The following PIGR variants were observed in gnomAD, a reference collection of about 807,000 sequenced individuals.
PIGR encodes polymeric immunoglobulin receptor.
A neutral mutation model predicts 69.5 loss-of-function variants in PIGR; 22 were observed. The observed-to-expected ratio is 0.32, with a 90% confidence interval of 0.23 to 0.45. The LOEUF (loss-of-function observed/expected upper bound fraction) is 0.45, where lower values mean the gene tolerates loss of function less well. Ranked by LOEUF, PIGR falls within the 20% of genes least tolerant of loss-of-function variation. The probability of loss-of-function intolerance (pLI) is 1.00; values close to 1 mark genes in which losing one functional copy is unlikely to be tolerated. For missense variants in PIGR, 885 were observed against 974.0 expected, an observed-to-expected ratio of 0.91 and a Z score of 1.22; for synonymous variants, 413 against 407.6, an observed-to-expected ratio of 1.01 and a Z score of -0.16.
chr1:206,933,066 G>A lies in PIGR; in HGVS notation c.1806C>T (p.Pro602=), dbSNP rs145584412. The change falls in exon 7 of 11, where the codon CCC becomes CCT. Residue 602 remains proline (P), a synonymous_variant. Transcript: ENST00000356495. ...REIENKAIQD[P]RLFAEEKAVA... Reference sequence around the variant, plus strand: ...CCGCCTTTTCCTCTGCAAAAAGCCTGGGATCCTGAATGGCTTTGTTCTCAA... The same window carrying A: ...CCGCCTTTTCCTCTGCAAAAAGCCTAGGATCCTGAATGGCTTTGTTCTCAA... 2 of 1,614,176 alleles carry A rather than the reference G, an allele frequency of 1.2e-6. No homozygotes were observed. The highest frequency in any genetic ancestry group is 2.2e-5 in the South Asian group (2 of 91,086).
rs1172961371 is a variant in PIGR, at chr1:206,935,826, CACAG to C, written c.1046-12_1046-9del. 8 of 1,581,070 alleles carry C rather than the reference CACAG, an allele frequency of 5.1e-6. No homozygotes were observed. The highest frequency in any genetic ancestry group is 4.5e-5 in the East Asian group (2 of 44,358). On this transcript the variant is annotated splice_polypyrimidine_tract_variant and intron_variant, in intron 4 of 10. Coordinates refer to ENST00000356495, the MANE Select transcript of PIGR (RefSeq NM_002644.4). The surrounding 1 kb of genome is among the most constrained non-coding windows in gnomAD (Gnocchi z 4.4). Reference sequence around the variant, plus strand: ...TGCGGGGAATCGTGGACTCTGGAAGCACAGACAGAGATGGGATGGGAGGATGGCC... The same window carrying C: ...TGCGGGGAATCGTGGACTCTGGAAGCACAGAGATGGGATGGGAGGATGGCC...
At chr1:206,934,232 A>T (rs1478205458) in intron 6 of PIGR, among the ~76,000 whole-genome samples, 188 bp downstream of exon 6, 1 of 152,142 alleles carries the variant, frequency 6.6e-6, no homozygotes, top group Middle Eastern at 3.2e-3. Flanking sequence ...TTTATTTGAG[A>T]TGTCCCTTTT....
chr1:206,945,548 G>C (rs2102606035), intron 1 of PIGR, among the ~76,000 whole-genome samples: 1 of 152,332 alleles, frequency 6.6e-6, no homozygotes, highest in Admixed American at 6.5e-5. Flanking sequence ...GTGATCCCGT[G>C]AGGACCTCTT....
chr1:206,937,490 T>G lies in PIGR; in HGVS notation c.650A>C (p.Gln217Pro). The change falls in exon 4 of 11, where the codon CAG (glutamine) becomes CCG (proline). Residue 217 changes from glutamine to proline, a missense_variant. Physicochemically the swap from Gln to Pro is moderately conservative, Grantham distance 76. Coordinates refer to ENST00000356495, the MANE Select transcript of PIGR (RefSeq NM_002644.4). ...ATCATCCCCAGCCTGGCAGAGATAC[T>G]GCCCAGCATCGCTGAGCCTGAGTTG... Reference protein sequence around the residue: ...INQLRLSDAGQYLCQAGDDSN... With the variant: ...INQLRLSDAGPYLCQAGDDSN... 1.2e-6 allele frequency: 2 copies of G among 1,614,230 alleles called. No individual in the cohort carries two copies. The highest frequency in any genetic ancestry group is 1.7e-6 in the Non-Finnish European group (2 of 1,180,042).
intron 3 of PIGR, among the ~76,000 whole-genome samples, chr1:206,938,413 T>C (rs1558014580): frequency 6.6e-6 from 1 of 152,210 alleles, no homozygotes; most frequent in African/African-American, 2.4e-5. Flanking sequence ...CCACAGACAA[T>C]AGTATGCATA....
intron 1 of PIGR, among the ~76,000 whole-genome samples, chr1:206,941,715 A>G (rs1679990264): frequency 6.6e-6 from 1 of 152,228 alleles, no homozygotes; most frequent in African/African-American, 2.4e-5. Flanking sequence ...TCCACCGTGG[A>G]CACAGCCCAG....
rs753289830 is a variant in PIGR, at chr1:206,930,830, C to T, written c.2200-417G>A. The T allele has an allele frequency of 3.5e-5, 34 of 985,218 alleles. No homozygotes were observed. The highest frequency in any genetic ancestry group is 4.1e-5 in the Non-Finnish European group (34 of 829,914). The allele number at this position is 985,218 out of a possible 1,614,324, so 61.0% of individuals were successfully genotyped here. A position where few individuals can be genotyped will look rare whatever the true frequency, so the allele number is the denominator to read the frequency against. On this transcript the variant is annotated intron_variant, in intron 10 of 10. Coordinates refer to ENST00000356495, the MANE Select transcript of PIGR (RefSeq NM_002644.4). This position sits in a 1 kb window ranked among gnomAD's most constrained non-coding sequence, Gnocchi z 4.3. The stretch of plus-strand genomic sequence containing the variant: ...GGGGAAGGCTGTCCCAGGAATAACT[C>T]GTTCTAACTTTGCTAAATGCCAGAG...
intron 3 of PIGR, 119 bp from the exon 4 acceptor site, chr1:206,937,870 TC>T: frequency 1.1e-6 from 1 of 876,550 alleles, no homozygotes. Flanking sequence ...TGGAATGCCC[TC>T]CTTCCCAGAG....
At chr1:206,934,136 A>T (rs564237852) in intron 6 of PIGR, among the ~76,000 whole-genome samples, 69 of 152,246 alleles carry the variant, frequency 4.5e-4, no homozygotes, top group Non-Finnish European at 9.4e-4. Flanking sequence ...TGCTGGGATT[A>T]CAGGTGTGAG....
At chr1:206,938,854 T>A (rs1679922247) in intron 3 of PIGR, among the ~76,000 whole-genome samples, 1 of 152,160 alleles carries the variant, frequency 6.6e-6, no homozygotes, top group South Asian at 2.1e-4. Flanking sequence ...AACTTGTCCT[T>A]CTGATACCCT....
rs376735440 is a variant in PIGR at position 206,935,868 on chromosome 1, C to T, written c.1046-50G>A. 1.4e-6 allele frequency: 2 copies of T among 1,387,036 alleles called. No homozygotes were observed. Among genetic ancestry groups the T allele is most frequent in the Admixed American group, 2.3e-5 (1 of 44,146 alleles). The allele number at this position is 1,387,036 out of a possible 1,614,324, so 85.9% of individuals were successfully genotyped here. ...TGGGAGGATGGCCACGCAGGAAGAGCCTTGCGTGGCCTGAGAAGCCTTCTT... is the reference window on the plus strand; with the variant it reads ...TGGGAGGATGGCCACGCAGGAAGAGTCTTGCGTGGCCTGAGAAGCCTTCTT... On this transcript the variant is annotated intron_variant, in intron 4 of 10. Coordinates refer to ENST00000356495, the MANE Select transcript of PIGR (RefSeq NM_002644.4). This position sits in a 1 kb window ranked among gnomAD's most constrained non-coding sequence, Gnocchi z 4.4.
Position 206,935,074 on chromosome 1 carries a change from A to G in PIGR, c.1379-328T>C, listed in dbSNP as rs1282018500. Reference sequence around the variant, plus strand: ...GAAATAAGTATGTTATTCTGACTACAGAAGAAATGTAATTGTGTGCCTAGG... The same window carrying G: ...GAAATAAGTATGTTATTCTGACTACGGAAGAAATGTAATTGTGTGCCTAGG... On this transcript the variant is annotated intron_variant, in intron 5 of 10. Transcript: ENST00000356495. The surrounding 1 kb of genome is among the most constrained non-coding windows in gnomAD (Gnocchi z 4.4). 6.6e-6 allele frequency among the ~76,000 whole-genome samples: 1 copy of G among 152,192 alleles called. No homozygotes were observed. Among genetic ancestry groups the G allele is most frequent in the Non-Finnish European group, 1.5e-5 (1 of 68,040 alleles).
At position 206,932,528 on chromosome 1, in the gene PIGR, G is replaced by A. The variant is rs758776914; in HGVS notation, c.1936C>T (p.Pro646Ser). 5.4e-5 allele frequency: 87 copies of A among 1,613,860 alleles called. No individual in the cohort carries two copies. Among genetic ancestry groups the A allele is most frequent in the Non-Finnish European group, 7.3e-5 (86 of 1,179,984 alleles). Residue 646 changes from proline (P) to serine (S), a missense_variant, in exon 8 of 11, where the codon CCC becomes TCC. Coordinates refer to ENST00000356495, the MANE Select transcript of PIGR (RefSeq NM_002644.4). Reference protein sequence around the residue: ...SSRALVSTLVPLGLVLAVGAV... With the variant: ...SSRALVSTLVSLGLVLAVGAV... ...CCCACTGCCAGCACCAGGCCCAGGG[G>A]CACCAGGGTGGAGACCAGCGCTCTG...
intron 6 of PIGR, 62 bp downstream of exon 6, chr1:206,934,358 G>A: frequency 7.1e-7 from 1 of 1,416,506 alleles, no homozygotes; most frequent in South Asian, 1.3e-5. Context: ...TCTCAGGCAG[G>A]GGCCTTCAGG....
In PIGR at chr1:206,930,685, C is replaced by CCGGTCTA. The variant is rs2102595791; in HGVS notation, c.2200-273_2200-272insTAGACCG. 1 of 985,402 alleles carries CCGGTCTA rather than the reference C, an allele frequency of 1.0e-6. No homozygotes were observed. The highest frequency in any genetic ancestry group is 4.7e-5 in the South Asian group (1 of 21,282). 61.0% of individuals were successfully genotyped at this position (985,402 alleles called of 1,614,324 possible). A position where few individuals can be genotyped will look rare whatever the true frequency, so the allele number is the denominator to read the frequency against. On this transcript the variant is annotated intron_variant, in intron 10 of 10. Coordinates refer to ENST00000356495, the MANE Select transcript of PIGR (RefSeq NM_002644.4). The surrounding 1 kb of genome is among the most constrained non-coding windows in gnomAD (Gnocchi z 4.3). Reference sequence around the variant, plus strand: ...CCGCCTCTGTTGCCCGGGCCTGTCCCCGGAAGCTGCCCACACAGTCCACGG... The same window carrying CCGGTCTA: ...CCGCCTCTGTTGCCCGGGCCTGTCCCCGGTCTACGGAAGCTGCCCACACAGTCCACGG...
In PIGR at chr1:206,937,345, G is replaced by C. The variant is rs201340365; in HGVS notation, c.795C>G (p.Asn265Lys). ...TCTGTCGGCACAGAAATTTGGCCAC[G>C]TTTGCCACCTCAGGGCCCAGGGCAC... ...FHCALGPEVA[N>K]VAKFLCRQSS... is the part of the protein sequence containing the mutation. The change falls in exon 4 of 11, where the codon AAC becomes AAG. Residue 265 changes from asparagine to lysine, a missense_variant. Transcript: ENST00000356495. 1 of 1,613,172 alleles carries C rather than the reference G, an allele frequency of 6.2e-7. No homozygotes were observed. The highest frequency in any genetic ancestry group is 2.2e-5 in the East Asian group (1 of 44,844).
intron 2 of PIGR, 28 bp from the exon 3 acceptor site, chr1:206,939,491 T>C: frequency 1.3e-6 from 2 of 1,525,842 alleles, no homozygotes; most frequent in Non-Finnish European, 1.8e-6. Flanking sequence ...AGAGGCTTTC[T>C]GAGGCCCTTG....
At chr1:206,939,851 C>G (rs1679947601) in intron 2 of PIGR, among the ~76,000 whole-genome samples, 2 of 152,298 alleles carry the variant, frequency 1.3e-5, no homozygotes, top group South Asian at 4.1e-4. Context: ...CTCAGCCTCC[C>G]AAGTAGTTGG....
intron 6 of PIGR, 83 bp from the exon 7 acceptor site, chr1:206,933,249 C>A: frequency 1.4e-6 from 2 of 1,386,686 alleles, no homozygotes; most frequent in Non-Finnish European, 9.9e-7. Flanking sequence ...GGGGAGACTT[C>A]ATGAGGAATC....
Sources: gnomAD v4.1 joint callset for allele counts (sites outside exome capture counted in the v4.1 genomes callset) on GRCh38, gnomAD v4.1.1 for gene constraint, Gnocchi (gnomAD v3.1) non-coding constraint, MANE v1.5 for transcripts, NCBI Gene and HGNC (gene_info 2026-07-23, HGNC 2026-07-21) for gene names.